The following LRRC4C variants were observed in gnomAD, a reference collection of about 807,000 sequenced individuals.
LRRC4C encodes leucine rich repeat containing 4C.
A neutral mutation model predicts 33.6 loss-of-function variants in LRRC4C; 5 were observed. The observed-to-expected ratio is 0.15, with a 90% CI of 0.08 to 0.31. The LOEUF (loss-of-function observed/expected upper bound fraction) is 0.31. Ranked by LOEUF, LRRC4C falls within the 10% of genes least tolerant of loss-of-function variation. The probability of loss-of-function intolerance (pLI) is 1.00; values close to 1 mark genes in which losing one functional copy is unlikely to be tolerated. For missense variants in LRRC4C, 560 were observed against 796.7 expected (o/e 0.70, Z 3.58); for synonymous variants, 329 against 302.0 (o/e 1.09, Z -0.93).
intron 2 of LRRC4C, among the ~76,000 whole-genome samples, chr11:40,734,072 C>T (rs1947736917): frequency 6.6e-6 from 1 of 152,018 alleles, no homozygotes; most frequent in Admixed American, 6.6e-5. Flanking sequence ...ACTGACATTA[C>T]AATTGTCAGA....
At chr11:40,189,517 G>A (rs975054598) in intron 5 of LRRC4C, among the ~76,000 whole-genome samples, 8 of 152,090 alleles carry the variant, frequency 5.3e-5, no homozygotes, top group Non-Finnish European at 8.8e-5. Context: ...TCCCTTCTTC[G>A]AACCCTTCTA....
intron 2 of LRRC4C, among the ~76,000 whole-genome samples, chr11:40,861,115 G>A (rs982410858): frequency 8.6e-5 from 13 of 151,998 alleles, no homozygotes; most frequent in African/African-American, 3.1e-4. Context: ...GGGAAACTAA[G>A]TTTTTATATA....
At chr11:40,282,206 A>C (rs540864086) in intron 4 of LRRC4C, among the ~76,000 whole-genome samples, 1 of 152,094 alleles carries the variant, frequency 6.6e-6, no homozygotes, top group Non-Finnish European at 1.5e-5. Context: ...TTAGCTGGAC[A>C]TGGTGGCATG....
intron 5 of LRRC4C, among the ~76,000 whole-genome samples, chr11:40,226,907 G>A (rs936013983): frequency 6.6e-6 from 1 of 152,176 alleles, no homozygotes; most frequent in Non-Finnish European, 1.5e-5. Context: ...GGAATTGGCA[G>A]TTCTCTGATT....
chr11:41,299,053 C>T (rs1318652985), intron 1 of LRRC4C, among the ~76,000 whole-genome samples: 1 of 152,096 alleles, frequency 6.6e-6, no homozygotes, highest in Non-Finnish European at 1.5e-5. Context: ...AGGCTGACTC[C>T]ATATCTTTGC....
At chr11:40,122,759 C>A (rs185616361) in intron 6 of LRRC4C, among the ~76,000 whole-genome samples, 1 of 128,830 alleles carries the variant, frequency 7.8e-6, no homozygotes, top group South Asian at 3.0e-4. Context: ...TCTTCACCCT[C>A]CCCCCACCCA....
chr11:41,320,917 T>C (rs772292321), intron 1 of LRRC4C, among the ~76,000 whole-genome samples: 1 of 152,188 alleles, frequency 6.6e-6, no homozygotes. Context: ...TGTTCCAGGC[T>C]ACTAAGCAAC....
chr11:40,760,777 A>G (rs1591646938), intron 2 of LRRC4C, among the ~76,000 whole-genome samples: 1 of 120,902 alleles, frequency 8.3e-6, no homozygotes, highest in East Asian at 2.2e-4. Context: ...CACCTGGCCA[A>G]TTTTTGTGTG....
At chr11:40,873,002 T>C (rs1027352743) in intron 2 of LRRC4C, among the ~76,000 whole-genome samples, 3 of 152,142 alleles carry the variant, frequency 2.0e-5, no homozygotes, top group African/African-American at 7.2e-5. Flanking sequence ...GGGATAATGA[T>C]GCAGATGAGG....
chr11:41,422,262 G>A (rs1565660491), intron 1 of LRRC4C, among the ~76,000 whole-genome samples: 3 of 151,736 alleles, frequency 2.0e-5, no homozygotes, highest in African/African-American at 2.4e-5. Context: ...AGCTCTTCCC[G>A]ACCCCAGCCT....
At chr11:40,856,115 GGAGCCATCCATTACTGTAT>G (rs528568382) in intron 2 of LRRC4C, among the ~76,000 whole-genome samples, 9 of 151,944 alleles carry the variant, frequency 5.9e-5, no homozygotes, top group Admixed American at 1.3e-4. Context: ...AAAGTTTCTG[GGAGCCATCCATTACTGTAT>G]GAGCCATCCA....
intron 2 of LRRC4C, among the ~76,000 whole-genome samples, chr11:40,782,578 T>A (rs543241968): frequency 9.2e-5 from 14 of 152,298 alleles, no homozygotes; most frequent in Admixed American, 2.0e-4. Flanking sequence ...AGTTTCCTAT[T>A]GTAATTAAGA....
intron 4 of LRRC4C, among the ~76,000 whole-genome samples, chr11:40,290,176 A>G (rs557450733): frequency 6.6e-6 from 1 of 152,312 alleles, no homozygotes; most frequent in South Asian, 2.1e-4. Flanking sequence ...TTTTCCTCTT[A>G]CTTTCTTTGT....
At chr11:41,435,777 T>G (rs992765269) in intron 1 of LRRC4C, among the ~76,000 whole-genome samples, 1 of 152,348 alleles carries the variant, frequency 6.6e-6, no homozygotes, top group Middle Eastern at 3.4e-3. Context: ...AGATGTTCCA[T>G]AAAAATAGTG....
chr11:40,245,522 T>G (rs1205212174), intron 4 of LRRC4C, among the ~76,000 whole-genome samples: 1 of 152,126 alleles, frequency 6.6e-6, no homozygotes, highest in African/African-American at 2.4e-5. Flanking sequence ...ACTTGTGGCT[T>G]TTGATGATTT....
intron 2 of LRRC4C, among the ~76,000 whole-genome samples, chr11:40,896,196 G>C (rs576180510): frequency 6.6e-6 from 1 of 152,156 alleles, no homozygotes; most frequent in South Asian, 2.1e-4. Flanking sequence ...TTTAAAGTTC[G>C]CTCCAGCTCA....
At chr11:40,911,884 A>G (rs1592069124) in intron 2 of LRRC4C, among the ~76,000 whole-genome samples, 1 of 152,238 alleles carries the variant, frequency 6.6e-6, no homozygotes, top group Non-Finnish European at 1.5e-5. Flanking sequence ...ACGGCACAAG[A>G]ACTACGTGAT....
chr11:41,407,810 G>A (rs1954299976), intron 1 of LRRC4C, among the ~76,000 whole-genome samples: 1 of 152,126 alleles, frequency 6.6e-6, no homozygotes, highest in Admixed American at 6.5e-5. Context: ...TCAAAGGTAG[G>A]TGTAAGAAAG....
At chr11:41,359,460 C>T (rs1304457453) in intron 1 of LRRC4C, among the ~76,000 whole-genome samples, 1 of 152,120 alleles carries the variant, frequency 6.6e-6, no homozygotes, top group Non-Finnish European at 1.5e-5. Flanking sequence ...GTACATGGGA[C>T]ATCTCTGTAC....
Sources: allele counts gnomAD v4.1 joint callset (sites outside exome capture counted in the v4.1 genomes callset), GRCh38; gene constraint gnomAD v4.1.1; transcripts MANE v1.5; gene names NCBI Gene and HGNC (gene_info 2026-07-23, HGNC 2026-07-21).